The following UGDH variants were observed in gnomAD, a reference collection of about 807,000 sequenced individuals.
UGDH encodes the protein UDP-glucose 6-dehydrogenase.
UGDH carries 38 observed loss-of-function variants against 50.6 expected under a neutral mutation model. The observed-to-expected ratio is 0.75, with a 90% CI of 0.58 to 0.98. The LOEUF is 0.98. UGDH is among the 50% of genes least tolerant of loss of function. UGDH has a pLI of 0.00. For synonymous variants in UGDH, 168 were observed against 199.9 expected, an observed-to-expected ratio of 0.84 and a Z score of 1.35; for missense variants, 465 against 606.2, an observed-to-expected ratio of 0.77 and a Z score of 2.45.
At chr4:39,515,409 C>A (rs1485737282) in intron 2 of UGDH, among the ~76,000 whole-genome samples, 1 of 152,054 alleles carries the variant, frequency 6.6e-6, no homozygotes. Context: ...AGTCAATTTA[C>A]TCCATATATG....
rs867854427 is a variant in UGDH, at chr4:39,500,656, T to C, written c.1375-403A>G. ...CAAAAGCTAACAGCATAATTCTCTTTTTTTTTTTTTTTTTTCTTGAGATGG... is the reference window on the plus strand; with the variant it reads ...CAAAAGCTAACAGCATAATTCTCTTCTTTTTTTTTTTTTTTCTTGAGATGG... On this transcript the variant is annotated intron_variant, in intron 11 of 11. Transcript: ENST00000316423. Among the ~76,000 whole-genome samples, 713 of 117,044 alleles carry C rather than the reference T, an allele frequency of 6.1e-3. 5 individuals carry two copies. The highest frequency in any genetic ancestry group is 0.029 in the African/African-American group (665 of 22,592). The allele number at this position is 117,044 out of a possible 152,430, so 76.8% of individuals were successfully genotyped here. A position where few individuals can be genotyped will look rare whatever the true frequency, so the allele number is the denominator to read the frequency against.
At chr4:39,500,653 C>CTTTTTTTTTTTTTTTTTTTT (rs11284301) in intron 11 of UGDH, among the ~76,000 whole-genome samples, 7 of 135,224 alleles carry the variant, frequency 5.2e-5, no homozygotes, top group South Asian at 2.3e-4. Flanking sequence ...GCATAATTCT[C>CTTTTTTTTTTTTTTTTTTTT]TTTTTTTTTT....
chr4:39,505,421 C>A, intron 8 of UGDH, 51 bp from the exon 9 acceptor site: 1 of 1,397,860 alleles, frequency 7.2e-7, no homozygotes, highest in South Asian at 1.7e-5. Context: ...GCATTATATT[C>A]TAATACCAGG....
chr4:39,513,531 C>CTTTTTTT (rs10707997), intron 3 of UGDH, among the ~76,000 whole-genome samples: 31 of 88,030 alleles, frequency 3.5e-4, no homozygotes, highest in Non-Finnish European at 5.1e-4. Flanking sequence ...TTTCCTAGTT[C>CTTTTTTT]TTTTTTTTTT....
chr4:39,503,846 GA>G (rs748973461), intron 11 of UGDH, 28 bp downstream of exon 11: 24 of 1,597,048 alleles, frequency 1.5e-5, no homozygotes, highest in Admixed American at 3.5e-5. Flanking sequence ...CAAACAAAAA[GA>G]AAAAAAACAA....
At chr4:39,517,204 A>ATT (rs202114945) in intron 2 of UGDH, among the ~76,000 whole-genome samples, 8 of 141,220 alleles carry the variant, frequency 5.7e-5, no homozygotes, top group South Asian at 2.2e-4. Context: ...TTACTACTAA[A>ATT]TTTTTTTTTT....
At chr4:39,519,614 C>T (rs1746569168) in intron 2 of UGDH, among the ~76,000 whole-genome samples, 1 of 152,126 alleles carries the variant, frequency 6.6e-6, no homozygotes. Flanking sequence ...TCTCGGCTCA[C>T]TGCAACCTCT....
chr4:39,510,024 T>C lies in UGDH; in HGVS notation c.664-117A>G, dbSNP rs951563805. 1.6e-5 allele frequency: 19 copies of C among 1,203,130 alleles called. No homozygotes were observed. In the African/African-American group the frequency reaches 2.9e-4, roughly 19 times the overall value. 74.5% of individuals were successfully genotyped at this position (1,203,130 alleles called of 1,614,324 possible). A position where few individuals can be genotyped will look rare whatever the true frequency, so the allele number is the denominator to read the frequency against. On this transcript the variant is annotated intron_variant, in intron 5 of 11. Transcript: ENST00000316423. ...CTGAGGGAGATATATAAGATACTGA[T>C]GAGCTCAATTTGAGGAGACAATGGA... is the stretch of plus-strand genomic sequence containing the variant.
chr4:39,503,377 C>T (rs1745901694), intron 11 of UGDH, among the ~76,000 whole-genome samples: 1 of 152,118 alleles, frequency 6.6e-6, no homozygotes, highest in Non-Finnish European at 1.5e-5. Context: ...CAGAAGAGGG[C>T]CAGTACCATT....
chr4:39,501,925 T>G (rs1745834044), intron 11 of UGDH, among the ~76,000 whole-genome samples: 1 of 152,230 alleles, frequency 6.6e-6, no homozygotes, highest in South Asian at 2.1e-4. Context: ...TTTTCATGTC[T>G]TTTGAATTAA....
chr4:39,514,703 G>A (rs1746378111), intron 2 of UGDH, among the ~76,000 whole-genome samples: 1 of 150,208 alleles, frequency 6.7e-6, no homozygotes. Flanking sequence ...TTTTTTTTGA[G>A]ACAGAGCCTC....
intron 1 of UGDH, among the ~76,000 whole-genome samples, chr4:39,525,351 G>T (rs778484920): frequency 6.6e-6 from 1 of 151,836 alleles, no homozygotes; most frequent in African/African-American, 2.4e-5. Context: ...CCACCACCAC[G>T]CCCAGCTAGT....
Position 39,511,424 on chromosome 4 carries a change from C to A in UGDH, c.265-563G>T, listed in dbSNP as rs529993870. Among the ~76,000 whole-genome samples, 38 of 151,992 alleles carry A rather than the reference C, an allele frequency of 2.5e-4. 1 individual carries two copies. The South Asian group carries it at 7.7e-3, about 31-fold the overall frequency. ...TACAGGCATGCGCCACCACACCCCA[C>A]CACTTTTTTTATATTTTTAGTAGAG... On this transcript the variant is annotated intron_variant, in intron 3 of 11. Transcript: ENST00000316423.
In UGDH at chr4:39,505,675, G is replaced by A; in HGVS notation, c.980C>T (p.Thr327Ile). ...TCCCAAAATAGCTATCTTCTTATCAGTTACTGTATTAAACAGACTATCTAT... is the reference window on the plus strand; with the variant it reads ...TCCCAAAATAGCTATCTTCTTATCAATTACTGTATTAAACAGACTATCTAT... ...RIIDSLFNTVTDKKIAILGFA... is the reference protein window; with the variant it reads ...RIIDSLFNTVIDKKIAILGFA... Residue 327 changes from threonine to isoleucine, a missense_variant, in exon 8 of 12, where the codon ACT becomes ATT. Coordinates refer to ENST00000316423, the MANE Select transcript of UGDH (RefSeq NM_003359.4). The A allele has an allele frequency of 1.9e-6, 3 of 1,609,704 alleles. No individual in the cohort carries two copies. Among genetic ancestry groups the A allele is most frequent in the Non-Finnish European group, 2.5e-6 (3 of 1,177,648 alleles).
chr4:39,515,958 C>T (rs1356924166), intron 2 of UGDH, among the ~76,000 whole-genome samples: 2 of 152,120 alleles, frequency 1.3e-5, no homozygotes, highest in Admixed American at 6.6e-5. Context: ...CCTCAGCCTC[C>T]GAAAGTGCTG....
chr4:39,507,961 A>G (rs868559144), intron 7 of UGDH, among the ~76,000 whole-genome samples: 18 of 144,510 alleles, frequency 1.2e-4, no homozygotes, highest in African/African-American at 3.3e-4. Context: ...AAAAAAAAAA[A>G]AGAGAGAAGA....
intron 7 of UGDH, among the ~76,000 whole-genome samples, chr4:39,506,999 T>C (rs1405099948): frequency 2.0e-5 from 3 of 152,078 alleles, no homozygotes; most frequent in Admixed American, 2.0e-4. Flanking sequence ...CTCTAAAAAG[T>C]AAAACATTTT....
rs114637773 is a variant in UGDH, at chr4:39,521,960, G to A, written c.-7-441C>T. On this transcript the variant is annotated intron_variant, in intron 1 of 11. Coordinates refer to ENST00000316423, the MANE Select transcript of UGDH (RefSeq NM_003359.4). ...TGAGTTTATAACAGGTTTAGATTAC[G>A]ATGATATAGAATAAGATTAGTTCCA... Among the ~76,000 whole-genome samples, 769 of 152,022 alleles carry A rather than the reference G, an allele frequency of 5.1e-3. 12 individuals carry two copies. The highest frequency in any genetic ancestry group is 0.018 in the African/African-American group (736 of 41,358).
At chr4:39,511,358 T>G (rs1340971343) in intron 3 of UGDH, among the ~76,000 whole-genome samples, 1 of 151,932 alleles carries the variant, frequency 6.6e-6, no homozygotes, top group Non-Finnish European at 1.5e-5. Flanking sequence ...CCTCCCAGGT[T>G]CAAGCGATTC....
Sources: gnomAD v4.1 joint callset for allele counts (sites outside exome capture counted in the v4.1 genomes callset) on GRCh38, gnomAD v4.1.1 for gene constraint, MANE v1.5 for transcripts, NCBI Gene and HGNC (gene_info 2026-07-23, HGNC 2026-07-21) for gene names.